Variants in SLC6A11 observed in about 807,000 individuals in gnomAD.
SLC6A11 encodes the protein solute carrier family 6 member 11.
A neutral mutation model predicts 74.8 loss-of-function variants in SLC6A11; 25 were observed. The observed-to-expected ratio is 0.33, with a 90% CI of 0.24 to 0.47. The LOEUF (loss-of-function observed/expected upper bound fraction) is 0.47. SLC6A11 is among the 20% of genes least tolerant of loss of function. SLC6A11 has a pLI of 1.00. For missense variants in SLC6A11, 574 were observed against 837.0 expected, an observed-to-expected ratio of 0.69 and a Z score of 3.88; for synonymous variants, 330 against 330.2, an observed-to-expected ratio of 1.00 and a Z score of 0.01.
At chr3:10,897,496 A>G (rs1695185041) in intron 6 of SLC6A11, among the ~76,000 whole-genome samples, 1 of 152,234 alleles carries the variant, frequency 6.6e-6, no homozygotes, top group Non-Finnish European at 1.5e-5. Context: ...CAAAGGGGCT[A>G]CAGGCCTCAT....
rs182896516 is a variant in SLC6A11, at chr3:10,852,559, G to A, written c.756+8213G>A. Among the ~76,000 whole-genome samples the A allele has an allele frequency of 5.3e-5, 8 of 152,374 alleles. No individual in the cohort carries two copies. The East Asian group carries it at 1.4e-3, about 26-fold the overall frequency. On this transcript the variant is annotated intron_variant, in intron 5 of 13. Coordinates refer to ENST00000254488, the MANE Select transcript of SLC6A11 (RefSeq NM_014229.3). ...CCCCCAAAGTCCCAGTGATTGCTGGGTGGGAGGGGGTTCTGTGGCTGGTGG... is the reference window on the plus strand; with the variant it reads ...CCCCCAAAGTCCCAGTGATTGCTGGATGGGAGGGGGTTCTGTGGCTGGTGG...
In SLC6A11 at chr3:10,918,293, G is replaced by A. The variant is rs778973098; in HGVS notation, c.996-36G>A. The A allele has an allele frequency of 1.5e-4, 227 of 1,546,438 alleles. No individual in the cohort carries two copies. Among genetic ancestry groups the A allele is most frequent in the Non-Finnish European group, 1.9e-4 (216 of 1,148,140 alleles). On this transcript the variant is annotated intron_variant, in intron 7 of 13. Transcript: ENST00000254488. The surrounding 1 kb of genome is among the most constrained non-coding windows in gnomAD (Gnocchi z 4.5). ...TTTGAGCCGTGCACCGGTTCTGCCC[G>A]CTCTGACCCTAGTGCCTCTCGCTGC...
At position 10,939,358 on chromosome 3, in the gene SLC6A11, C is replaced by T. The variant is rs2601122; in HGVS notation, c.*956C>T. On this transcript the variant is annotated 3_prime_UTR_variant, in exon 14 of 14. Transcript: ENST00000254488. ...TTTTTTCCTGGTCAGCTGCTCTTAG[C>T]GCCGGCTCTGCCTCTCCACCCTTGG... 21,124 of 152,152 alleles carry T rather than the reference C, an allele frequency of 0.14. 1,672 individuals are homozygous for T. Among genetic ancestry groups the T allele is most frequent in the South Asian group, 0.2 (950 of 4,796 alleles). The allele number at this position is 152,152 out of a possible 1,614,324, so 9.4% of individuals were successfully genotyped here. A position where few individuals can be genotyped will look rare whatever the true frequency, so the allele number is the denominator to read the frequency against.
intron 6 of SLC6A11, among the ~76,000 whole-genome samples, chr3:10,897,218 G>T (rs921783920): frequency 6.6e-6 from 1 of 152,182 alleles, no homozygotes; most frequent in African/African-American, 2.4e-5. Context: ...GTGGGACACA[G>T]AGAAAAACCA....
Position 10,819,513 on chromosome 3 carries a change from C to G in SLC6A11, c.305C>G (p.Pro102Arg). Residue 102 changes from proline to arginine, a missense_variant, in exon 2 of 14, where the codon CCT becomes CGT. By Grantham distance (103) the Pro-to-Arg change is moderately radical (BLOSUM62 -2). Coordinates refer to ENST00000254488, the MANE Select transcript of SLC6A11 (RefSeq NM_014229.3). ...YVVFFICCGI[P>R]VFFLETALGQ... ...GTGTTTTTTATTTGCTGTGGAATTC[C>G]TGTTTTTTTCCTGGAGACAGCTCTG... is the stretch of plus-strand genomic sequence containing the variant. 6.2e-7 allele frequency: 1 copy of G among 1,614,020 alleles called. No homozygotes were observed. The highest frequency in any genetic ancestry group is 2.2e-5 in the East Asian group (1 of 44,886).
intron 11 of SLC6A11, among the ~76,000 whole-genome samples, chr3:10,933,455 A>G (rs982490089): frequency 2.0e-5 from 3 of 152,188 alleles, no homozygotes; most frequent in African/African-American, 7.2e-5. Flanking sequence ...GAAGGGGTTC[A>G]GGGCTCAGGC....
At position 10,816,589 on chromosome 3, in the gene SLC6A11, A is replaced by G; in HGVS notation, c.256+68A>G. ...CGGTGGGGGCGGGGAGCCAGGGGCG[A>G]GCGCGAGACCCCCTCCCGCGCCTGC... On this transcript the variant is annotated intron_variant, in intron 1 of 13. Transcript: ENST00000254488. This position sits in a 1 kb window ranked among gnomAD's most constrained non-coding sequence, Gnocchi z 4.2. The G allele has an allele frequency of 1.4e-6, 2 of 1,424,416 alleles. No homozygotes were observed. The highest frequency in any genetic ancestry group is 1.9e-6 in the Non-Finnish European group (2 of 1,070,872). The allele number at this position is 1,424,416 out of a possible 1,614,324, so 88.2% of individuals were successfully genotyped here. A position where few individuals can be genotyped will look rare whatever the true frequency, so the allele number is the denominator to read the frequency against.
At chr3:10,913,489 G>C (rs546271636) in intron 7 of SLC6A11, among the ~76,000 whole-genome samples, 1 of 152,014 alleles carries the variant, frequency 6.6e-6, no homozygotes, top group Admixed American at 6.5e-5. Flanking sequence ...CTTTGAGTAC[G>C]TATTGCTTTT....
At chr3:10,888,734 G>A (rs1695072960) in intron 6 of SLC6A11, among the ~76,000 whole-genome samples, 1 of 152,216 alleles carries the variant, frequency 6.6e-6, no homozygotes, top group Admixed American at 6.5e-5. Context: ...AGAGTCATGA[G>A]CTGAGCTGTG....
chr3:10,865,126 G>A (rs1236966859), intron 5 of SLC6A11, among the ~76,000 whole-genome samples: 4 of 152,252 alleles, frequency 2.6e-5, no homozygotes, highest in African/African-American at 9.6e-5. Flanking sequence ...GTGATGGTGA[G>A]TAAAGACAGT....
chr3:10,933,020 A>G (rs1013767280), intron 10 of SLC6A11, 131 bp from the exon 11 acceptor site: 18 of 691,888 alleles, frequency 2.6e-5, no homozygotes, highest in Admixed American at 1.4e-4. Context: ...TGGGAAGACT[A>G]GGGAGAAACA....
chr3:10,881,836 G>C (rs749261312), intron 6 of SLC6A11, among the ~76,000 whole-genome samples: 12 of 152,166 alleles, frequency 7.9e-5, no homozygotes, highest in Non-Finnish European at 8.8e-5. Flanking sequence ...CCATGATCCA[G>C]GATCTCCATT....
At chr3:10,887,067 A>AGATG (rs1268552328) in intron 6 of SLC6A11, among the ~76,000 whole-genome samples, 3 of 152,006 alleles carry the variant, frequency 2.0e-5, no homozygotes, top group Non-Finnish European at 2.9e-5. Context: ...ATGTATGGAC[A>AGATG]GATGGATGGA....
intron 3 of SLC6A11, 109 bp from the exon 4 acceptor site, chr3:10,823,193 G>A: frequency 1.4e-6 from 1 of 734,816 alleles, no homozygotes; most frequent in African/African-American, 1.7e-5. Flanking sequence ...TGTTTACCTG[G>A]AGTGGGTAGA....
chr3:10,935,049 G>A lies in SLC6A11; in HGVS notation c.1596G>A (p.Leu532=), dbSNP rs771268069. The A allele has an allele frequency of 1.2e-6, 2 of 1,614,066 alleles. No homozygotes were observed. The highest frequency in any genetic ancestry group is 2.2e-5 in the East Asian group (1 of 44,854). The change falls in exon 13 of 14, where the codon TTG becomes TTA. Residue 532 remains leucine, a synonymous_variant. Transcript: ENST00000254488. ...GICAGIFIFF[L]IKYKPLKYNN... ...TGCAGGGGATCTTCATCTTCTTCTT[G>A]ATCAAGTACAAGCCACTCAAGTACA...
In SLC6A11 at chr3:10,838,985, C is replaced by A. The variant is rs150281964; in HGVS notation, c.624-5229C>A. Among the ~76,000 whole-genome samples, 6 of 152,122 alleles carry A rather than the reference C, an allele frequency of 3.9e-5. No individual in the cohort carries two copies. The East Asian group carries it at 1.2e-3, about 30-fold the overall frequency. On this transcript the variant is annotated intron_variant, in intron 4 of 13. Coordinates refer to ENST00000254488, the MANE Select transcript of SLC6A11 (RefSeq NM_014229.3). Reference sequence around the variant, plus strand: ...AGGATGTAGTTTCCTTTTGAGCTACCCTCTTGGTTCCCCCACTCCTTCCCT... The same window carrying A: ...AGGATGTAGTTTCCTTTTGAGCTACACTCTTGGTTCCCCCACTCCTTCCCT...
At position 10,816,786 on chromosome 3, in the gene SLC6A11, G is replaced by A. The variant is rs548224208; in HGVS notation, c.256+265G>A. 6.6e-6 allele frequency among the ~76,000 whole-genome samples: 1 copy of A among 152,352 alleles called. No homozygotes were observed. Among genetic ancestry groups the A allele is most frequent in the Non-Finnish European group, 1.5e-5 (1 of 68,032 alleles). On this transcript the variant is annotated intron_variant, in intron 1 of 13. Coordinates refer to ENST00000254488, the MANE Select transcript of SLC6A11 (RefSeq NM_014229.3). This position sits in a 1 kb window ranked among gnomAD's most constrained non-coding sequence, Gnocchi z 4.2. ...CGTTCTGTCCCCAGCATGAGATGCA[G>A]ACCGAGGCCAGGGAGCCCTTGCTTT...
At chr3:10,869,098 A>G (rs1018929804) in intron 5 of SLC6A11, among the ~76,000 whole-genome samples, 1 of 152,180 alleles carries the variant, frequency 6.6e-6, no homozygotes, top group Admixed American at 6.5e-5. Flanking sequence ...AGCACACCTT[A>G]TGTGCTATAT....
At chr3:10,865,062 C>T (rs775731378) in intron 5 of SLC6A11, among the ~76,000 whole-genome samples, 7 of 152,212 alleles carry the variant, frequency 4.6e-5, no homozygotes, top group Non-Finnish European at 1.0e-4. Flanking sequence ...ATGTTGTTCT[C>T]TGCCAGCCAA....
Sources: allele counts gnomAD v4.1 joint callset (sites outside exome capture counted in the v4.1 genomes callset), GRCh38; gene constraint gnomAD v4.1.1; non-coding constraint Gnocchi (gnomAD v3.1); transcripts MANE v1.5; gene names NCBI Gene and HGNC (gene_info 2026-07-23, HGNC 2026-07-21).